The following ACAD8 variants were observed in gnomAD, a reference collection of about 807,000 sequenced individuals.
ACAD8 encodes the protein acyl-CoA dehydrogenase family member 8.
A neutral mutation model predicts 53.1 loss-of-function variants in ACAD8; 47 were observed. The observed-to-expected ratio is 0.89, with a 90% CI of 0.70 to 1.13. ACAD8 has a LOEUF of 1.13. Among genes scored for constraint, ACAD8 ranks in the 50% most tolerant of loss-of-function variants. The pLI is 0.00. For synonymous variants in ACAD8, 198 were observed against 201.3 expected (o/e 0.98, Z 0.14); for missense variants, 494 against 535.0 (o/e 0.92, Z 0.76).
chr11:134,260,964 C>T (rs977568732), intron 6 of ACAD8, 80 bp from the exon 7 acceptor site: 13 of 1,550,130 alleles, frequency 8.4e-6, no homozygotes, highest in East Asian at 7.0e-5. Context: ...AAACCCATAC[C>T]TCACAGGCTC....
intron 9 of ACAD8, 91 bp from the exon 10 acceptor site, chr11:134,262,429 G>A (rs1455231311): frequency 9.8e-6 from 8 of 818,738 alleles, no homozygotes; most frequent in Non-Finnish European, 1.4e-5. Context: ...TTTATGGCGG[G>A]CTGCCAGATC....
Position 134,259,712 on chromosome 11 carries a change from C to A in ACAD8, c.672C>A (p.Thr224=). Residue 224 remains threonine (T), a synonymous_variant, in exon 6 of 11, where the codon ACC becomes ACA. Coordinates refer to ENST00000281182, the MANE Select transcript of ACAD8 (RefSeq NM_014384.3). Reference sequence around the variant, plus strand: ...CATGCATAGTTGTTGAGAAGGGGACCCCTGGCCTCAGCTTTGGCAAGAAGG... The same window carrying A: ...CATGCATAGTTGTTGAGAAGGGGACACCTGGCCTCAGCTTTGGCAAGAAGG... The part of the protein sequence containing the change: ...GISCIVVEKG[T]PGLSFGKKEK... The A allele has an allele frequency of 1.9e-6, 3 of 1,614,148 alleles. No homozygotes were observed. The highest frequency in any genetic ancestry group is 2.5e-6 in the Non-Finnish European group (3 of 1,180,032).
At chr11:134,256,701 C>G in intron 2 of ACAD8, 53 bp downstream of exon 2, 1 of 1,480,650 alleles carries the variant, frequency 6.8e-7, no homozygotes. Context: ...CTCAGGCAGA[C>G]CTTTATCTTT....
chr11:134,259,303 C>T (rs1019953750), intron 5 of ACAD8: 3 of 679,172 alleles, frequency 4.4e-6, no homozygotes, highest in East Asian at 5.4e-5. Flanking sequence ...CCTTTTTATA[C>T]TCTCTTGGAC....
At chr11:134,254,186 A>C (rs192595874) in intron 1 of ACAD8, among the ~76,000 whole-genome samples, 5 of 152,356 alleles carry the variant, frequency 3.3e-5, no homozygotes, top group Admixed American at 6.5e-5. Context: ...TCATAAAAGC[A>C]GTGAGAATAT....
chr11:134,265,394 C>T lies in ACAD8; in HGVS notation c.*434C>T, dbSNP rs1226170042. The T allele has an allele frequency of 5.2e-6, 1 of 191,562 alleles. No homozygotes were observed. Among genetic ancestry groups the T allele is most frequent in the Admixed American group, 5.4e-5 (1 of 18,540 alleles). 11.9% of individuals were successfully genotyped at this position (191,562 alleles called of 1,614,324 possible). On this transcript the variant is annotated 3_prime_UTR_variant, in exon 11 of 11. Transcript: ENST00000281182. ...TGGGAAGGGGAAATGGAGGAATGCC[C>T]TCCTGTCTGTGTCGTTCTCTGTGCC...
rs776363572 is a variant in ACAD8, at chr11:134,258,553, A to G, written c.419A>G (p.Glu140Gly). Residue 140 changes from glutamate to glycine, a missense_variant, in exon 4 of 11, where the codon GAA becomes GGA. Glu to Gly is a moderately conservative substitution (Grantham distance 98). Transcript: ENST00000281182. ...ATGATTGATAGCTTCGGAAATGAGG[A>G]ACAGAGGCACAAATTTTGCCCACCG... ...AWMIDSFGNEEQRHKFCPPLC... is the reference protein window; with the variant it reads ...AWMIDSFGNEGQRHKFCPPLC... 1 of 1,613,916 alleles carries G rather than the reference A, an allele frequency of 6.2e-7. No homozygotes were observed. The highest frequency in any genetic ancestry group is 8.5e-7 in the Non-Finnish European group (1 of 1,179,968).
intron 2 of ACAD8, 102 bp from the exon 3 acceptor site, chr11:134,256,986 A>T: frequency 8.3e-7 from 1 of 1,208,386 alleles, no homozygotes; most frequent in African/African-American, 1.5e-5. Flanking sequence ...GAGAATTCAT[A>T]CGCTGTCGCA....
intron 1 of ACAD8, among the ~76,000 whole-genome samples, chr11:134,254,178 A>T (rs1130172): frequency 0.37 from 55,538 of 152,110 alleles, 10,316 homozygotes; most frequent in African/African-American, 0.43. Flanking sequence ...ACAGTAGGTC[A>T]TAAAAGCAGT....
chr11:134,257,008 C>G, intron 2 of ACAD8, 80 bp from the exon 3 acceptor site: 3 of 1,474,628 alleles, frequency 2.0e-6, no homozygotes, highest in South Asian at 2.3e-5. Flanking sequence ...GTGCAAGCCT[C>G]CTAATCCCTC....
rs868529017 is a variant in ACAD8, at chr11:134,259,276, C to T, written c.567+192C>T. On this transcript the variant is annotated intron_variant, in intron 5 of 10. Coordinates refer to ENST00000281182, the MANE Select transcript of ACAD8 (RefSeq NM_014384.3). ...CTCCTAATCTGATTCCAGATCATTT[C>T]GTTGACTTTTGTCTATCCTTTTTAT... The T allele has an allele frequency of 2.5e-5, 18 of 715,130 alleles. 1 individual carries two copies. The highest frequency in any genetic ancestry group is 1.4e-4 in the South Asian group (9 of 65,072). 44.3% of individuals were successfully genotyped at this position (715,130 alleles called of 1,614,324 possible).
In ACAD8 at chr11:134,265,214, A is replaced by C. The variant is rs1940114922; in HGVS notation, c.*254A>C. 1.8e-6 allele frequency: 1 copy of C among 553,788 alleles called. No homozygotes were observed. The highest frequency in any genetic ancestry group is 2.4e-5 in the South Asian group (1 of 40,958). The allele number at this position is 553,788 out of a possible 1,614,324, so 34.3% of individuals were successfully genotyped here. A position where few individuals can be genotyped will look rare whatever the true frequency, so the allele number is the denominator to read the frequency against. The stretch of plus-strand genomic sequence containing the variant: ...TACTACCTTGTTTTCCTAATGCCAG[A>C]AGGGTGACCAGTGAAGATTCACCGT... On this transcript the variant is annotated 3_prime_UTR_variant, in exon 11 of 11. Transcript: ENST00000281182.
At chr11:134,263,754 C>T (rs1231578498) in intron 10 of ACAD8, 8 of 985,294 alleles carry the variant, frequency 8.1e-6, no homozygotes, top group Non-Finnish European at 9.6e-6. Flanking sequence ...AGCAGGAAAA[C>T]ATTTATTGTA....
At chr11:134,259,218 A>G (rs1939732556) in intron 5 of ACAD8, 134 bp downstream of exon 5, 1 of 803,746 alleles carries the variant, frequency 1.2e-6, no homozygotes. Context: ...CCTCTGACCC[A>G]TTTCTCTTTC....
At chr11:134,262,322 G>A (rs1435622673) in intron 9 of ACAD8, 198 bp from the exon 10 acceptor site, 2 of 669,542 alleles carry the variant, frequency 3.0e-6, no homozygotes, top group South Asian at 3.0e-5. Flanking sequence ...CTGTCTGGGG[G>A]GAACTGACAA....
At chr11:134,258,056 TAGTC>T (rs905338308) in intron 3 of ACAD8, 22 of 237,238 alleles carry the variant, frequency 9.3e-5, no homozygotes, top group African/African-American at 1.4e-4. Context: ...TTCACCATGT[TAGTC>T]AGGCTGGTCT....
chr11:134,262,974 T>G (rs1939987222), intron 10 of ACAD8: 8 of 1,228,458 alleles, frequency 6.5e-6, no homozygotes, highest in South Asian at 5.7e-5. Flanking sequence ...CCAAGAACAG[T>G]GATGGACAAG....
intron 2 of ACAD8, 94 bp downstream of exon 2, chr11:134,256,742 C>A: frequency 9.0e-7 from 1 of 1,110,016 alleles, no homozygotes; most frequent in South Asian, 1.5e-5. Flanking sequence ...TTAAATGTCT[C>A]CTCCACTTAC....
At chr11:134,260,018 T>C in intron 6 of ACAD8, 1 of 1,283,802 alleles carries the variant, frequency 7.8e-7, no homozygotes, top group Non-Finnish European at 1.0e-6. Flanking sequence ...TGGCCTGTGT[T>C]CCTTATCCAG....
Sources: allele counts gnomAD v4.1 joint callset (sites outside exome capture counted in the v4.1 genomes callset), GRCh38; gene constraint gnomAD v4.1.1; transcripts MANE v1.5; gene names NCBI Gene and HGNC (gene_info 2026-07-23, HGNC 2026-07-21).